MYO16: variants seen among roughly 807,000 people sequenced by gnomAD.
The protein encoded by MYO16 is unconventional myosin-XVI.
A neutral mutation model predicts 205.3 loss-of-function variants in MYO16; 94 were observed. The observed-to-expected ratio is 0.46, with a 90% CI of 0.39 to 0.54. MYO16 has a LOEUF of 0.54. MYO16 is among the 20% of genes least tolerant of loss of function. The pLI, the probability that MYO16 is intolerant of heterozygous loss-of-function variation, is 0.00. For synonymous variants in MYO16, 988 were observed against 954.0 expected (o/e 1.04, Z -0.66); for missense variants, 2,315 against 2,387.5 (o/e 0.97, Z 0.63).
intron 9 of MYO16, among the ~76,000 whole-genome samples, chr13:108,830,948 CTT>C (rs1471727236): frequency 1.3e-5 from 2 of 152,108 alleles, no homozygotes; most frequent in African/African-American, 4.8e-5. Context: ...TATGCCATAT[CTT>C]TACATCTGTT....
chr13:108,548,117 C>G, the MYO16 span, among the ~76,000 whole-genome samples: 1 of 152,084 alleles, frequency 6.6e-6, no homozygotes, highest in Admixed American at 6.6e-5. Context: ...ATCTACTTAG[C>G]TCGTTTGTTT....
chr13:108,916,465 A>G (rs766648068), intron 16 of MYO16, among the ~76,000 whole-genome samples: 1 of 152,216 alleles, frequency 6.6e-6, no homozygotes, highest in Non-Finnish European at 1.5e-5. Context: ...TTTTAAGGCA[A>G]ATGAAAGAGA....
chr13:108,748,058 C>T (rs1416292587), intron 4 of MYO16, among the ~76,000 whole-genome samples: 4 of 152,056 alleles, frequency 2.6e-5, no homozygotes, highest in African/African-American at 9.7e-5. Context: ...AACACACATT[C>T]TTCTCAATCT....
intron 34 of MYO16, among the ~76,000 whole-genome samples, chr13:109,205,076 C>A (rs955101354): frequency 6.6e-6 from 1 of 152,170 alleles, no homozygotes; most frequent in African/African-American, 2.4e-5. Flanking sequence ...TTTTAAGAGG[C>A]CCACTCTGCT....
chr13:108,783,841 G>T (rs113752063), intron 4 of MYO16, among the ~76,000 whole-genome samples: 12,015 of 152,164 alleles, frequency 0.079, 614 homozygotes, highest in Non-Finnish European at 0.12. Context: ...TGATTCTGAG[G>T]CCTCCCCAGG....
At chr13:108,616,038 G>A (rs1329209523) in intron 1 of MYO16, among the ~76,000 whole-genome samples, 2 of 152,042 alleles carry the variant, frequency 1.3e-5, no homozygotes, top group Non-Finnish European at 2.9e-5. Context: ...ACTTTGATTT[G>A]GCATAAACAC....
At chr13:108,862,851 G>A (rs66581758) in intron 11 of MYO16, among the ~76,000 whole-genome samples, 15,820 of 151,936 alleles carry the variant, frequency 0.1, 957 homozygotes, top group South Asian at 0.24. Context: ...CCTTTTATTG[G>A]CCATCTTTAA....
chr13:108,503,287 A>G, the MYO16 span, among the ~76,000 whole-genome samples: 1 of 152,286 alleles, frequency 6.6e-6, no homozygotes, highest in East Asian at 1.9e-4. Flanking sequence ...CACCTGTGAA[A>G]TGGTACAGGC....
chr13:109,139,486 G>A (rs966994301), intron 31 of MYO16, among the ~76,000 whole-genome samples: 2 of 152,104 alleles, frequency 1.3e-5, no homozygotes, highest in Non-Finnish European at 2.9e-5. Context: ...CCGCACCTCC[G>A]CAGCCTCCAT....
intron 2 of MYO16, among the ~76,000 whole-genome samples, chr13:108,684,130 T>G (rs1882578133): frequency 6.6e-6 from 1 of 152,222 alleles, no homozygotes; most frequent in Non-Finnish European, 1.5e-5. Context: ...CGCCTCGGCC[T>G]CCCGAAGTGC....
At chr13:108,727,951 T>C (rs1290821057) in intron 4 of MYO16, among the ~76,000 whole-genome samples, 1 of 152,158 alleles carries the variant, frequency 6.6e-6, no homozygotes, top group African/African-American at 2.4e-5. Context: ...TATTGAATCT[T>C]TTTTTTTCTT....
chr13:109,005,824 C>T (rs1287644664), intron 21 of MYO16, among the ~76,000 whole-genome samples: 1 of 152,178 alleles, frequency 6.6e-6, no homozygotes, highest in Admixed American at 6.5e-5. Flanking sequence ...ATGTTTGTTT[C>T]TTCTCTGAAG....
chr13:109,206,368 C>G (rs1056489022), intron 34 of MYO16, among the ~76,000 whole-genome samples: 8 of 150,060 alleles, frequency 5.3e-5, no homozygotes, highest in African/African-American at 2.0e-4. Flanking sequence ...GGAGGTGCAG[C>G]ACACCTTAAC....
intron 12 of MYO16, among the ~76,000 whole-genome samples, chr13:108,867,947 T>C (rs904315106): frequency 1.3e-5 from 2 of 152,204 alleles, no homozygotes; most frequent in African/African-American, 4.8e-5. Context: ...TTCCTTTCAA[T>C]ATTAGGGAAG....
rs373433954 is a variant in MYO16, at chr13:109,141,410, C to T, written c.5164+34C>T. 3 of 1,361,664 alleles carry T rather than the reference C, an allele frequency of 2.2e-6. No individual in the cohort carries two copies. Among genetic ancestry groups the T allele is most frequent in the Non-Finnish European group, 2.9e-6 (3 of 1,029,610 alleles). The allele number at this position is 1,361,664 out of a possible 1,614,324, so 84.3% of individuals were successfully genotyped here. ...AGCAGACATCCCCCCACTCCTTTTG[C>T]ATGGACGCTGTGCTTGCGTGCACCT... On this transcript the variant is annotated intron_variant, in intron 32 of 34. Coordinates refer to ENST00000457511, the MANE Select transcript of MYO16 (RefSeq NM_001198950.3). This position sits in a 1 kb window ranked among gnomAD's most constrained non-coding sequence, Gnocchi z 4.1.
chr13:109,111,063 G>A (rs945066956), intron 28 of MYO16, among the ~76,000 whole-genome samples: 2 of 152,104 alleles, frequency 1.3e-5, no homozygotes, highest in Admixed American at 6.5e-5. Context: ...TGTGAGAAAA[G>A]GAACATCAGG....
chr13:108,749,237 G>A (rs4771603), intron 4 of MYO16, among the ~76,000 whole-genome samples: 68,026 of 151,648 alleles, frequency 0.45, 15,357 homozygotes, highest in East Asian at 0.55. Context: ...TAGTCACTAT[G>A]ATATGTAATC....
At chr13:108,594,182 A>G (rs1031705617), upstream of MYO16, among the ~76,000 whole-genome samples, 1 of 152,170 alleles carries the variant, frequency 6.6e-6, no homozygotes. Flanking sequence ...AAGATTTACC[A>G]TGAGGCCAAT....
At chr13:109,033,193 G>T (rs996508905) in intron 23 of MYO16, among the ~76,000 whole-genome samples, 6 of 152,074 alleles carry the variant, frequency 3.9e-5, no homozygotes, top group Non-Finnish European at 4.4e-5. Context: ...TTCACCCTTT[G>T]CCCAGGGCTC....
Sources: allele counts gnomAD v4.1 joint callset (sites outside exome capture counted in the v4.1 genomes callset), GRCh38; gene constraint gnomAD v4.1.1; non-coding constraint Gnocchi (gnomAD v3.1); transcripts MANE v1.5; gene names NCBI Gene and HGNC (gene_info 2026-07-23, HGNC 2026-07-21).